UBN1: variants seen among roughly 807,000 people sequenced by gnomAD.
The protein encoded by UBN1 is ubinuclein-1.
A neutral mutation model predicts 108.5 loss-of-function variants in UBN1; 17 were observed. That is an observed-to-expected ratio of 0.16 (90% CI 0.11 to 0.24). The LOEUF (loss-of-function observed/expected upper bound fraction) is 0.24. Among genes scored for constraint, UBN1 ranks in the 10% least tolerant of loss-of-function variants. The pLI is 1.00. For synonymous variants in UBN1, 726 were observed against 564.2 expected (o/e 1.29, Z -4.07); for missense variants, 1,595 against 1,394.4 (o/e 1.14, Z -2.29).
In UBN1 at chr16:4,870,106, G is replaced by A. The variant is rs2087548089; in HGVS notation, c.1182-106G>A. The stretch of plus-strand genomic sequence containing the variant: ...TACATTGTGTGACCAACAAGACAGG[G>A]TTTGACTGCCGTTGGCTCCTAGCTT... On this transcript the variant is annotated intron_variant, in intron 8 of 17. Transcript: ENST00000262376. The A allele has an allele frequency of 4.5e-6, 7 of 1,538,700 alleles. No homozygotes were observed. The Admixed American group carries it at 5.5e-5, about 12-fold the overall frequency.
chr16:4,866,996 G>T (rs2087366104), intron 7 of UBN1, among the ~76,000 whole-genome samples: 1 of 152,222 alleles, frequency 6.6e-6, no homozygotes, highest in African/African-American at 2.4e-5. Context: ...GGAGGCAACA[G>T]GCTTCGCCGG....
rs747334253 is a variant in UBN1 at position 4,870,521 on chromosome 16, C to T, written c.1317C>T (p.Gly439=). The part of the protein sequence containing the change: ...ARKLHLYEQG[G]RLKEPLQKLK... ...TTGTGTCCCGCTCTTCGCAGGGGGG[C>T]CGTCTGAAGGAGCCTCTCCAGAAGC... The change falls in exon 10 of 18, where the codon GGC becomes GGT. Residue 439 remains glycine, a synonymous_variant. Coordinates refer to ENST00000262376, the MANE Select transcript of UBN1 (RefSeq NM_001079514.3). 19 of 1,614,062 alleles carry T rather than the reference C, an allele frequency of 1.2e-5. No individual in the cohort carries two copies. The highest frequency in any genetic ancestry group is 1.6e-5 in the Non-Finnish European group (19 of 1,180,004).
In UBN1 at chr16:4,874,805, G is replaced by T. The variant is rs756628478; in HGVS notation, c.2395G>T (p.Val799Leu). Residue 799 changes from valine to leucine, a missense_variant, in exon 15 of 18, where the codon GTG becomes TTG. Physicochemically the swap from Val to Leu is conservative, Grantham distance 32 (BLOSUM62 1). This residue lies in a region of UBN1 where 1,398 missense variants were observed against 1,194.7 expected (regional missense o/e 1.17). Transcript: ENST00000262376. ...TCACGGGCCCCAAGTGGCAGTTCCT[G>T]TGCCTGGCCCCCAGGTCAAAGTCTT... ...TSHGPQVAVP[V>L]PGPQVKVFHA... The T allele has an allele frequency of 6.2e-7, 1 of 1,614,100 alleles. No individual in the cohort carries two copies. Among genetic ancestry groups the T allele is most frequent in the South Asian group, 1.1e-5 (1 of 91,090 alleles).
intron 5 of UBN1, among the ~76,000 whole-genome samples, 163 bp downstream of exon 5, chr16:4,859,322 A>T: frequency 6.6e-6 from 1 of 152,276 alleles, no homozygotes; most frequent in African/African-American, 2.4e-5. Context: ...CGTGTGCCCT[A>T]ATGAGGACAC....
At chr16:4,876,426 G>A (rs1293420292) in intron 15 of UBN1, among the ~76,000 whole-genome samples, 1 of 151,744 alleles carries the variant, frequency 6.6e-6, no homozygotes, top group African/African-American at 2.4e-5. Flanking sequence ...TATAAATAAA[G>A]GTATATATGT....
chr16:4,873,985 C>T (rs146141337), intron 14 of UBN1, among the ~76,000 whole-genome samples: 4 of 152,244 alleles, frequency 2.6e-5, no homozygotes, highest in East Asian at 1.9e-4. Flanking sequence ...CGAAGCATGC[C>T]GGGGTAAACC....
At chr16:4,858,524 G>A (rs754124490) in intron 3 of UBN1, 44 bp from the exon 4 acceptor site, 4 of 1,565,558 alleles carry the variant, frequency 2.6e-6, no homozygotes, top group Non-Finnish European at 3.5e-6. Flanking sequence ...TTAATTCTGT[G>A]TGTTTATTCA....
In UBN1 at chr16:4,847,565, G is replaced by C; in HGVS notation, c.-685G>C. The C allele has an allele frequency of 2.4e-6, 1 of 409,830 alleles. No individual in the cohort carries two copies. The highest frequency in any genetic ancestry group is 4.4e-6 in the Non-Finnish European group (1 of 229,292). 25.4% of individuals were successfully genotyped at this position (409,830 alleles called of 1,614,324 possible). A position where few individuals can be genotyped will look rare whatever the true frequency, so the allele number is the denominator to read the frequency against. On this transcript the variant is annotated 5_prime_UTR_variant, in exon 1 of 18. Transcript: ENST00000262376. ...CGGCGGCGACGGTGCGACCGGCTGAGCGCGAGAGGGAGCCGGCCTCGCGGC... is the reference window on the plus strand; with the variant it reads ...CGGCGGCGACGGTGCGACCGGCTGACCGCGAGAGGGAGCCGGCCTCGCGGC...
At chr16:4,858,742 G>T (rs1199890039) in intron 4 of UBN1, 79 bp downstream of exon 4, 1 of 1,427,770 alleles carries the variant, frequency 7.0e-7, no homozygotes, top group Non-Finnish European at 9.8e-7. Context: ...AGCTGGGGGT[G>T]GGGTCAGAGC....
At chr16:4,858,700 G>A (rs774964065) in intron 4 of UBN1, 37 bp downstream of exon 4, 4 of 1,597,818 alleles carry the variant, frequency 2.5e-6, no homozygotes, top group Non-Finnish European at 3.4e-6. Context: ...CAGACCCACT[G>A]TACCTGTAGC....
At chr16:4,852,821 G>T in intron 1 of UBN1, 58 bp from the exon 2 acceptor site, 1 of 1,407,516 alleles carries the variant, frequency 7.1e-7, no homozygotes, top group Non-Finnish European at 9.6e-7. Flanking sequence ...CTTTAATTAG[G>T]CAGGTAAACT....
chr16:4,874,949 A>G lies in UBN1; in HGVS notation c.2539A>G (p.Thr847Ala), dbSNP rs755613621. 1.2e-6 allele frequency: 2 copies of G among 1,614,194 alleles called. No individual in the cohort carries two copies. Among genetic ancestry groups the G allele is most frequent in the Non-Finnish European group, 1.7e-6 (2 of 1,180,050 alleles). Residue 847 changes from threonine (T) to alanine (A), a missense_variant, in exon 15 of 18, where the codon ACA (threonine) becomes GCA (alanine). Transcript: ENST00000262376. ...TCGTTCCCTCCTGCAGTTAGTGAAG[A>G]CAGCGGCCAAAGGCCAGGGCTTCCA... is the stretch of plus-strand genomic sequence containing the variant. ...CHRSLLQLVK[T>A]AAKGQGFHPS...
chr16:4,858,219 A>C, intron 3 of UBN1, 143 bp downstream of exon 3: 1 of 698,886 alleles, frequency 1.4e-6, no homozygotes. Flanking sequence ...CAGTTATTAA[A>C]CCTAACGCAT....
At chr16:4,866,942 AG>A (rs1378861315) in intron 7 of UBN1, among the ~76,000 whole-genome samples, 1 of 152,236 alleles carries the variant, frequency 6.6e-6, no homozygotes, top group Admixed American at 6.5e-5. Flanking sequence ...GCCGGACTTA[AG>A]GGGTTAAAGA....
At chr16:4,848,721 T>G (rs538010847) in intron 1 of UBN1, among the ~76,000 whole-genome samples, 2 of 152,256 alleles carry the variant, frequency 1.3e-5, no homozygotes, top group Non-Finnish European at 2.9e-5. Context: ...TTCCAGGGAA[T>G]AATTTGATAA....
chr16:4,875,005 GTCAGCC>G lies in UBN1; in HGVS notation c.2598_2603del (p.Ala867_Ser868del). On this transcript the variant is annotated inframe_deletion, in exon 15 of 18. Transcript: ENST00000262376. Reference sequence around the variant, plus strand: ...CTGCACCAGCCACCTCAGGAGGCCTGTCAGCCTCCAGCAGCAGCTCTCACAAGACCC... The same window carrying G: ...CTGCACCAGCCACCTCAGGAGGCCTGTCCAGCAGCAGCTCTCACAAGACCC... 1 of 1,614,040 alleles carries G rather than the reference GTCAGCC, an allele frequency of 6.2e-7. No homozygotes were observed.
At chr16:4,850,983 C>T (rs1331241416) in intron 1 of UBN1, among the ~76,000 whole-genome samples, 1 of 152,150 alleles carries the variant, frequency 6.6e-6, no homozygotes, top group East Asian at 1.9e-4. Flanking sequence ...CAGTGCAATA[C>T]TGATTAAAGA....
rs1244931729 is a variant in UBN1, at chr16:4,875,446, T to C, written c.3024+12T>C. ...CTACCTCCTTGTCAGTGAGTATCTG[T>C]CATAGCAGCCTGCCCTGCCCCACTC... is the stretch of plus-strand genomic sequence containing the variant. On this transcript the variant is annotated intron_variant, in intron 15 of 17. Coordinates refer to ENST00000262376, the MANE Select transcript of UBN1 (RefSeq NM_001079514.3). The C allele has an allele frequency of 6.3e-7, 1 of 1,599,102 alleles. No homozygotes were observed. Among genetic ancestry groups the C allele is most frequent in the East Asian group, 2.2e-5 (1 of 44,652 alleles).
chr16:4,852,901 A>G lies in UBN1; in HGVS notation c.-17A>G. On this transcript the variant is annotated 5_prime_UTR_variant, in exon 2 of 18. An upstream open reading frame in the 5' UTR loses its in-frame stop. Coordinates refer to ENST00000262376, the MANE Select transcript of UBN1 (RefSeq NM_001079514.3). ...CAGAAGCCATGCAGTGACACCCGCT[A>G]AGACTTGTTGGTAGCCATGTCGGAG... The G allele has an allele frequency of 6.2e-7, 1 of 1,609,964 alleles. No individual in the cohort carries two copies. Among genetic ancestry groups the G allele is most frequent in the East Asian group, 2.2e-5 (1 of 44,810 alleles).
Sources: gnomAD v4.1 joint callset for allele counts (sites outside exome capture counted in the v4.1 genomes callset) on GRCh38, gnomAD v4.1.1 for gene constraint, gnomAD v4.1.1 regional missense constraint, MANE v1.5 for transcripts, NCBI Gene and HGNC (gene_info 2026-07-23, HGNC 2026-07-21) for gene names.